The following ZNF219 variants were observed in gnomAD, a reference collection of about 807,000 sequenced individuals.
The protein encoded by ZNF219 is zinc finger protein 219.
A neutral mutation model predicts 54.4 loss-of-function variants in ZNF219; 17 were observed. The observed-to-expected ratio is 0.31, with a 90% confidence interval of 0.21 to 0.47. ZNF219 has a LOEUF of 0.47. Ranked by LOEUF, ZNF219 falls within the 20% of genes least tolerant of loss-of-function variation. The pLI is 1.00. For synonymous variants in ZNF219, 518 were observed against 476.4 expected (o/e 1.09, Z -1.14); for missense variants, 1,014 against 1,062.3 (o/e 0.95, Z 0.63).
intron 1 of ZNF219, among the ~76,000 whole-genome samples, chr14:21,096,610 C>A (rs1055549799): frequency 6.6e-6 from 1 of 152,206 alleles, no homozygotes; most frequent in African/African-American, 2.4e-5. Context: ...TACTTTCCAC[C>A]CCCACTGGGA....
upstream of ZNF219, chr14:21,098,814 G>A (rs1889472187): frequency 7.8e-7 from 1 of 1,287,970 alleles, no homozygotes; most frequent in Non-Finnish European, 1.0e-6. Context: ...GACATACCAG[G>A]GAAGGAGTTG....
At position 21,092,635 on chromosome 14, in the gene ZNF219, G is replaced by A; in HGVS notation, c.662C>T (p.Ala221Val). 3 of 1,559,758 alleles carry A rather than the reference G, an allele frequency of 1.9e-6. No individual in the cohort carries two copies. The highest frequency in any genetic ancestry group is 2.6e-6 in the Non-Finnish European group (3 of 1,154,894). The change falls in exon 3 of 5, where the codon GCC (alanine) becomes GTC (valine). Residue 221 changes from alanine (A) to valine (V), a missense_variant. Physicochemically the swap from Ala to Val is moderately conservative, Grantham distance 64. Around this residue, in one of 5 missense-constraint regions of ZNF219, gnomAD observed 395 missense variants for 415.1 expected, o/e 0.95. Coordinates refer to ENST00000360947, the MANE Select transcript of ZNF219 (RefSeq NM_016423.3). ...CTGAGGCGGAGGCGCAGCGGAGGTG[G>A]CCGCCAGGGGACGCTCGGGAGCCCC... The part of the protein sequence containing the change: ...AHGAPERPLA[A>V]TSAAPPPQPQ...
chr14:21,093,627 A>G lies in ZNF219; in HGVS notation c.-36T>C, dbSNP rs780922268. ...CACATTCTTTGGTTCTGGGAAGTGC[A>G]GGGAAGAGGAGGAAAAGCTGCTAAT... On this transcript the variant is annotated 5_prime_UTR_variant, in exon 2 of 5. Coordinates refer to ENST00000360947, the MANE Select transcript of ZNF219 (RefSeq NM_016423.3). The G allele has an allele frequency of 8.1e-6, 13 of 1,614,022 alleles. No homozygotes were observed. Among genetic ancestry groups the G allele is most frequent in the Middle Eastern group, 1.6e-4 (1 of 6,084 alleles).
chr14:21,093,107 T>C lies in ZNF219; in HGVS notation c.190A>G (p.Lys64Glu), dbSNP rs753851522. 8 of 1,608,592 alleles carry C rather than the reference T, an allele frequency of 5.0e-6. No homozygotes were observed. Among genetic ancestry groups the C allele is most frequent in the Non-Finnish European group, 5.9e-6 (7 of 1,178,680 alleles). Residue 64 changes from lysine to glutamate, a missense_variant, in exon 3 of 5, where the codon AAG becomes GAG. By Grantham distance (56) the Lys-to-Glu change is moderately conservative. Coordinates refer to ENST00000360947, the MANE Select transcript of ZNF219 (RefSeq NM_016423.3). Reference sequence around the variant, plus strand: ...AGGATAGAGTTGAAGCGGAAGCGCTTCCCGCATACAGGGCAGGGGAAGCGC... The same window carrying C: ...AGGATAGAGTTGAAGCGGAAGCGCTCCCCGCATACAGGGCAGGGGAAGCGC... ...ERRFPCPVCG[K>E]RFRFNSILAL...
chr14:21,102,557 A>G (rs1265729791), upstream of ZNF219: 2 of 1,551,454 alleles, frequency 1.3e-6, no homozygotes, highest in Admixed American at 3.9e-5. Context: ...TAAGGAGGCA[A>G]GAGGAGGTGG....
chr14:21,094,624 G>A (rs1889178021), intron 1 of ZNF219: 54 of 259,838 alleles, frequency 2.1e-4, no homozygotes, highest in South Asian at 1.8e-3. Context: ...CTCTGAGCAG[G>A]AAAGGGTTAA....
intron 1 of ZNF219, chr14:21,094,329 G>C (rs985162507): frequency 6.6e-6 from 3 of 454,598 alleles, no homozygotes; most frequent in Non-Finnish European, 8.9e-6. Context: ...GAGAGAGTTG[G>C]GGGAGGAGTG....
intron 1 of ZNF219, among the ~76,000 whole-genome samples, chr14:21,095,270 T>C (rs1566552572): frequency 6.6e-6 from 1 of 152,212 alleles, no homozygotes; most frequent in Non-Finnish European, 1.5e-5. Context: ...TACCACTTAA[T>C]ATGTGTATTT....
rs780414892 is a variant in ZNF219 at position 21,093,153 on chromosome 14, A to G, written c.144T>C (p.Ser48=). The G allele has an allele frequency of 1.2e-6, 2 of 1,610,562 alleles. No homozygotes were observed. The highest frequency in any genetic ancestry group is 2.2e-5 in the East Asian group (1 of 44,834). ...AGCGCCGTTCGCCTGCACGACTCTC[A>G]GACCAGCTCACCGCTCCCATCCCGA... ...GSLGMGAVSW[S]ESRAGERRFP... is the part of the protein sequence containing the mutation. Residue 48 remains serine, a synonymous_variant, in exon 3 of 5, where the codon TCT becomes TCC. Coordinates refer to ENST00000360947, the MANE Select transcript of ZNF219 (RefSeq NM_016423.3).
Position 21,091,089 on chromosome 14 carries a change from C to T in ZNF219, c.1616G>A (p.Gly539Asp). The change falls in exon 5 of 5, where the codon GGC becomes GAC. Residue 539 changes from glycine to aspartate, a missense_variant. By Grantham distance (94) the Gly-to-Asp change is moderately conservative. This residue lies in a region of ZNF219 where 281 missense variants were observed against 271.2 expected (regional missense o/e 1.04). Coordinates refer to ENST00000360947, the MANE Select transcript of ZNF219 (RefSeq NM_016423.3). ...PHCDYAGTQS[G>D]SLKYHLQRHH... ...GCGCTGTAGGTGATACTTGAGCGAG[C>T]CGGACTGGGTGCCCGCGTAGTCGCA... The T allele has an allele frequency of 1.3e-6, 2 of 1,574,976 alleles. No homozygotes were observed. Among genetic ancestry groups the T allele is most frequent in the Non-Finnish European group, 1.7e-6 (2 of 1,164,638 alleles).
intron 1 of ZNF219, among the ~76,000 whole-genome samples, chr14:21,094,087 C>T (rs1284930615): frequency 1.3e-5 from 2 of 152,192 alleles, no homozygotes; most frequent in Non-Finnish European, 1.5e-5. Context: ...ACTGAGCAGC[C>T]AGCCAAACAT....
chr14:21,092,538 T>TTCGGGC lies in ZNF219; in HGVS notation c.753_758dup (p.Pro252_Glu253dup), dbSNP rs755284066. The stretch of plus-strand genomic sequence containing the variant: ...GAGCTGGGGTCGGGGTTGCCTCACG[T>TTCGGGC]TCGGGCTCCGGCTCCGGCTCCGGCT... On this transcript the variant is annotated inframe_insertion, in exon 3 of 5. Coordinates refer to ENST00000360947, the MANE Select transcript of ZNF219 (RefSeq NM_016423.3). 2 of 1,549,104 alleles carry TTCGGGC rather than the reference T, an allele frequency of 1.3e-6. No individual in the cohort carries two copies. Among genetic ancestry groups the TTCGGGC allele is most frequent in the Non-Finnish European group, 1.7e-6 (2 of 1,146,400 alleles).
In ZNF219 at chr14:21,098,311, C is replaced by T; in HGVS notation, c.-84+1G>A. 6.0e-6 allele frequency: 1 copy of T among 167,516 alleles called. No individual in the cohort carries two copies. Among genetic ancestry groups the T allele is most frequent in the Non-Finnish European group, 1.2e-5 (1 of 85,434 alleles). 10.4% of individuals were successfully genotyped at this position (167,516 alleles called of 1,614,324 possible). A position where few individuals can be genotyped will look rare whatever the true frequency, so the allele number is the denominator to read the frequency against. On this transcript the variant is annotated splice_donor_variant, in intron 1 of 4. Coordinates refer to ENST00000360947, the MANE Select transcript of ZNF219 (RefSeq NM_016423.3). LOFTEE classifies it low-confidence loss of function (5UTR_SPLICE). Reference sequence around the variant, plus strand: ...CGGGAGTCGGGGGAGCGGCTACTCACGAGCCCCGGGCGGGCGGCGGCGGAG... The same window carrying T: ...CGGGAGTCGGGGGAGCGGCTACTCATGAGCCCCGGGCGGGCGGCGGCGGAG...
chr14:21,103,001 G>A (rs1204609373), upstream of ZNF219: 1 of 1,440,704 alleles, frequency 6.9e-7, no homozygotes, highest in Non-Finnish European at 9.4e-7. Context: ...GAGTGGGAAA[G>A]CATTAGGAAG....
At chr14:21,101,319 C>A (rs1276978978), upstream of ZNF219, 4 of 1,549,798 alleles carry the variant, frequency 2.6e-6, no homozygotes, top group African/African-American at 5.5e-5. Context: ...CTAGGAAGCA[C>A]CTAATTCTTG....
At chr14:21,102,057 C>T (rs776824899), upstream of ZNF219, 18 of 1,551,158 alleles carry the variant, frequency 1.2e-5, no homozygotes, top group East Asian at 3.7e-4. Flanking sequence ...CCCTTCTCAC[C>T]ATTCAGGGTC....
upstream of ZNF219, chr14:21,102,060 TCAG>T (rs746479973): frequency 6.4e-7 from 1 of 1,551,322 alleles, no homozygotes; most frequent in South Asian, 1.2e-5. Context: ...TTCTCACCAT[TCAG>T]GGTCTCCTCA....
In ZNF219 at chr14:21,098,489, C is replaced by G; in HGVS notation, c.-261G>C. Reference sequence around the variant, plus strand: ...CGGTCCCCCGCCCCCGGCCCTGGCCCGCATTGTGTGCGGCGGGAGGCGGCC... The same window carrying G: ...CGGTCCCCCGCCCCCGGCCCTGGCCGGCATTGTGTGCGGCGGGAGGCGGCC... On this transcript the variant is annotated 5_prime_UTR_variant, in exon 1 of 5. Coordinates refer to ENST00000360947, the MANE Select transcript of ZNF219 (RefSeq NM_016423.3). 2 of 982,040 alleles carry G rather than the reference C, an allele frequency of 2.0e-6. No homozygotes were observed. Among genetic ancestry groups the G allele is most frequent in the Non-Finnish European group, 2.4e-6 (2 of 828,330 alleles). The allele number at this position is 982,040 out of a possible 1,614,324, so 60.8% of individuals were successfully genotyped here.
rs1300252412 is a variant in ZNF219, at chr14:21,090,833, G to C, written c.1872C>G (p.Ala624=). 6.4e-7 allele frequency: 1 copy of C among 1,559,640 alleles called. No individual in the cohort carries two copies. Among genetic ancestry groups the C allele is most frequent in the Non-Finnish European group, 8.7e-7 (1 of 1,152,528 alleles). Residue 624 remains alanine, a synonymous_variant, in exon 5 of 5, where the codon GCC becomes GCG. Transcript: ENST00000360947. This position sits in a 1 kb window ranked among gnomAD's most constrained non-coding sequence, Gnocchi z 4.4. ...CCCGCAAGGACAGGTCCAGGGGTTC[G>C]GCCTCACCGCCTCGCCCGTTGCGCA... is the stretch of plus-strand genomic sequence containing the variant. ...RTLRNGRGGE[A]EPLDLSLRAG...
Sources: allele counts gnomAD v4.1 joint callset (sites outside exome capture counted in the v4.1 genomes callset), GRCh38; gene constraint gnomAD v4.1.1; regional missense constraint gnomAD v4.1.1; non-coding constraint Gnocchi (gnomAD v3.1); transcripts MANE v1.5; gene names NCBI Gene and HGNC (gene_info 2026-07-23, HGNC 2026-07-21).